The following SMARCA2 variants were observed in gnomAD, a reference collection of about 807,000 sequenced individuals.
The protein encoded by SMARCA2 is SWI/SNF-related matrix-associated actin-dependent regulator of chromatin subfamily A member 2.
A neutral mutation model predicts 199.8 loss-of-function variants in SMARCA2; 61 were observed. That is an observed-to-expected ratio of 0.31 (90% CI 0.25 to 0.38). The LOEUF (loss-of-function observed/expected upper bound fraction) is 0.38. SMARCA2 is among the 10% of genes least tolerant of loss of function. The pLI is 1.00. For synonymous variants in SMARCA2, 935 were observed against 732.0 expected, an observed-to-expected ratio of 1.28 and a Z score of -4.48; for missense variants, 1,344 against 2,012.2, an observed-to-expected ratio of 0.67 and a Z score of 6.35.
rs1586771696 is a variant in SMARCA2, at chr9:2,160,872, A to G, written c.3982-814A>G. On this transcript the variant is annotated intron_variant, in intron 27 of 33. Coordinates refer to ENST00000349721, the MANE Select transcript of SMARCA2 (RefSeq NM_003070.5). ...TTTATTTTTCTTCTTTTGAGTTTTG[A>G]GATTTACCAGGAAAAAAAAAAAAAG... 3 of 340,382 alleles carry G rather than the reference A, an allele frequency of 8.8e-6. 1 individual carries two copies. Among genetic ancestry groups the G allele is most frequent in the Middle Eastern group, 1.6e-3 (2 of 1,238 alleles). 21.1% of individuals were successfully genotyped at this position (340,382 alleles called of 1,614,324 possible).
chr9:2,094,908 C>T (rs7035991), intron 19 of SMARCA2, among the ~76,000 whole-genome samples: 15,582 of 152,140 alleles, frequency 0.1, 876 homozygotes, highest in Admixed American at 0.14. Context: ...TCAAATGTCA[C>T]TGTGAGTTAA....
Position 2,110,182 on chromosome 9 carries a change from GC to G in SMARCA2, c.3293-70del. On this transcript the variant is annotated intron_variant, in intron 23 of 33. Transcript: ENST00000349721. This position sits in a 1 kb window ranked among gnomAD's most constrained non-coding sequence, Gnocchi z 4.8. ...TGGGTATATTTCTTGAAGGAAGCAA[GC>G]CTTTTTGTCTCATTCTGTGCCATTT... The G allele has an allele frequency of 8.1e-7, 1 of 1,241,442 alleles. No homozygotes were observed. The highest frequency in any genetic ancestry group is 1.1e-6 in the Non-Finnish European group (1 of 891,178). 76.9% of individuals were successfully genotyped at this position (1,241,442 alleles called of 1,614,324 possible). A position where few individuals can be genotyped will look rare whatever the true frequency, so the allele number is the denominator to read the frequency against.
At chr9:2,165,147 A>G (rs1479553335) in intron 28 of SMARCA2, among the ~76,000 whole-genome samples, 1 of 152,200 alleles carries the variant, frequency 6.6e-6, no homozygotes, top group Non-Finnish European at 1.5e-5. Flanking sequence ...TGAAAGAAAT[A>G]CCACCTGTGC....
chr9:2,146,406 T>G (rs1056750214), intron 27 of SMARCA2, among the ~76,000 whole-genome samples: 6 of 152,182 alleles, frequency 3.9e-5, no homozygotes, highest in African/African-American at 1.4e-4. Flanking sequence ...GATCAGATCA[T>G]AGAGATCTCT....
At chr9:2,134,362 G>C (rs969196410) in intron 27 of SMARCA2, among the ~76,000 whole-genome samples, 2 of 152,054 alleles carry the variant, frequency 1.3e-5, no homozygotes, top group African/African-American at 2.4e-5. Context: ...TTTTTACCTA[G>C]GTGCACACCA....
chr9:2,081,714 G>A, intron 14 of SMARCA2, 118 bp from the exon 15 acceptor site: 1 of 803,744 alleles, frequency 1.2e-6, no homozygotes, highest in African/African-American at 1.7e-5. Context: ...TTTTCCTACT[G>A]TGGGAAACCC....
intron 7 of SMARCA2, chr9:2,058,055 G>A: frequency 2.5e-6 from 1 of 392,678 alleles, no homozygotes. Flanking sequence ...CAAGGCTAAG[G>A]AGGCTTCTCT....
intron 31 of SMARCA2, among the ~76,000 whole-genome samples, chr9:2,184,196 C>G (rs561427239): frequency 1.3e-5 from 2 of 152,102 alleles, no homozygotes; most frequent in Non-Finnish European, 2.9e-5. Context: ...ATAGTCCATT[C>G]GGACTGATAC....
chr9:2,171,399 C>A (rs1210497935), intron 29 of SMARCA2, among the ~76,000 whole-genome samples: 1 of 152,176 alleles, frequency 6.6e-6, no homozygotes, highest in African/African-American at 2.4e-5. Flanking sequence ...TCAGAATGAA[C>A]ACAGATCACT....
At chr9:2,032,092 C>G (rs1225132063) in intron 2 of SMARCA2, among the ~76,000 whole-genome samples, 1 of 152,192 alleles carries the variant, frequency 6.6e-6, no homozygotes, top group East Asian at 1.9e-4. Context: ...AATTAACTTT[C>G]TTTTCTCCAA....
At chr9:2,133,168 A>C (rs1005594045) in intron 27 of SMARCA2, among the ~76,000 whole-genome samples, 1 of 152,258 alleles carries the variant, frequency 6.6e-6, no homozygotes, top group African/African-American at 2.4e-5. Context: ...CAATAATTTC[A>C]CATTATCTTT....
At chr9:2,185,297 GCTTATGCA>G (rs1254386402) in intron 31 of SMARCA2, among the ~76,000 whole-genome samples, 1 of 152,156 alleles carries the variant, frequency 6.6e-6, no homozygotes, top group Non-Finnish European at 1.5e-5. Context: ...TTTGTGACTG[GCTTATGCA>G]CTTATGGACT....
intron 16 of SMARCA2, among the ~76,000 whole-genome samples, chr9:2,083,708 G>A (rs1440616275): frequency 1.3e-5 from 2 of 152,318 alleles, no homozygotes; most frequent in African/African-American, 4.8e-5. Flanking sequence ...GCTCGCTGTG[G>A]GCTGCTACTG....
chr9:2,185,331 C>A (rs1283071262), intron 31 of SMARCA2, among the ~76,000 whole-genome samples: 2 of 152,190 alleles, frequency 1.3e-5, no homozygotes, highest in African/African-American at 4.8e-5. Flanking sequence ...TAACAATCCT[C>A]CAGTTACAGG....
At chr9:2,180,394 TATG>T (rs1231107651) in intron 29 of SMARCA2, among the ~76,000 whole-genome samples, 5 of 152,212 alleles carry the variant, frequency 3.3e-5, no homozygotes, top group African/African-American at 7.2e-5. Context: ...ATGCCTTTTT[TATG>T]ATAACTGTCA....
chr9:2,129,572 C>G (rs1044777035), intron 27 of SMARCA2, among the ~76,000 whole-genome samples: 2 of 152,112 alleles, frequency 1.3e-5, no homozygotes, highest in Non-Finnish European at 2.9e-5. Context: ...GCCTTGATGT[C>G]CAGAGTTTTC....
chr9:2,186,709 A>G (rs2129948543), intron 32 of SMARCA2, among the ~76,000 whole-genome samples: 1 of 152,242 alleles, frequency 6.6e-6, no homozygotes, highest in South Asian at 2.1e-4. Flanking sequence ...TATTTTTAGT[A>G]GAGATGGAGT....
At chr9:2,083,542 C>A in intron 16 of SMARCA2, 129 bp downstream of exon 16, 1 of 544,378 alleles carries the variant, frequency 1.8e-6, no homozygotes, top group Non-Finnish European at 3.3e-6. Context: ...TGTACTAAAC[C>A]GTGAGAGTTA....
intron 31 of SMARCA2, among the ~76,000 whole-genome samples, chr9:2,183,364 C>T (rs1355668785): frequency 6.6e-6 from 1 of 152,204 alleles, no homozygotes; most frequent in Non-Finnish European, 1.5e-5. Context: ...TCTCCACAGT[C>T]AACAATTCTA....
Sources: allele counts gnomAD v4.1 joint callset (sites outside exome capture counted in the v4.1 genomes callset), GRCh38; gene constraint gnomAD v4.1.1; non-coding constraint Gnocchi (gnomAD v3.1); transcripts MANE v1.5; gene names NCBI Gene and HGNC (gene_info 2026-07-23, HGNC 2026-07-21).